The following DCHS2 variants were observed in gnomAD, a reference collection of about 807,000 sequenced individuals.
The protein encoded by DCHS2 is dachsous cadherin-related 2, also known as protocadherin-23.
A neutral mutation model predicts 182.4 loss-of-function variants in DCHS2; 142 were observed. The observed-to-expected ratio is 0.78, with a 90% CI of 0.68 to 0.89. The LOEUF (loss-of-function observed/expected upper bound fraction) is 0.89, where lower values mean the gene tolerates loss of function less well. Among genes scored for constraint, DCHS2 ranks in the 40% least tolerant of loss-of-function variants. DCHS2 has a pLI of 0.00. For synonymous variants in DCHS2, 1,740 were observed against 1,663.3 expected (o/e 1.05, Z -1.12); for missense variants, 4,319 against 4,198.6 (o/e 1.03, Z -0.79).
Position 154,333,427 on chromosome 4 carries a change from C to A in DCHS2, c.2781G>T (p.Pro927=), listed in dbSNP as rs1300706619. 3.1e-6 allele frequency: 5 copies of A among 1,613,742 alleles called. No homozygotes were observed. The highest frequency in any genetic ancestry group is 4.2e-6 in the Non-Finnish European group (5 of 1,180,008). The change falls in exon 5 of 20, where the codon CCG becomes CCT. Residue 927 remains proline, a synonymous_variant. Transcript: ENST00000357232. ...TCCGGGTGCGAATAGTGCCCAGCCG[C>A]GGGTGAATGGAGAACTTTCCGCCGA... is the stretch of plus-strand genomic sequence containing the variant. ...GDLGGKFSIH[P]RLGTIRTRKP...
intron 3 of DCHS2, among the ~76,000 whole-genome samples, chr4:154,347,996 G>A (rs568400304): frequency 1.3e-5 from 2 of 152,078 alleles, no homozygotes; most frequent in South Asian, 4.2e-4. Context: ...TAGTTTGCAT[G>A]GGGTTTACAA....
intron 1 of DCHS2, among the ~76,000 whole-genome samples, chr4:154,380,882 G>T (rs1731137167): frequency 6.6e-6 from 1 of 152,004 alleles, no homozygotes; most frequent in South Asian, 2.1e-4. Flanking sequence ...ATCTTTCTAA[G>T]ATTTATATTT....
intron 10 of DCHS2, among the ~76,000 whole-genome samples, chr4:154,315,059 C>T (rs1279703634): frequency 1.3e-5 from 2 of 152,152 alleles, no homozygotes; most frequent in Non-Finnish European, 2.9e-5. Flanking sequence ...TTATAAATTC[C>T]TAGCCATAGT....
Position 154,322,360 on chromosome 4 carries a change from G to A in DCHS2, c.4147C>T (p.Leu1383Phe). 2 of 1,613,714 alleles carry A rather than the reference G, an allele frequency of 1.2e-6. No individual in the cohort carries two copies. ...VIATDQGVPP[L>F]QGQAVVNIQV... ...ATATTAACAACTGCCTGTCCTTGAAGAGGAGGCACTCCCTGGTCAGTGGCA... is the reference window on the plus strand; with the variant it reads ...ATATTAACAACTGCCTGTCCTTGAAAAGGAGGCACTCCCTGGTCAGTGGCA... Residue 1383 changes from leucine to phenylalanine, a missense_variant, in exon 8 of 20, where the codon CTT becomes TTT. Leu to Phe is a conservative substitution (Grantham distance 22, BLOSUM62 0). Transcript: ENST00000357232.
chr4:154,468,891 G>C (rs892725477), intron 1 of DCHS2, among the ~76,000 whole-genome samples: 5 of 152,120 alleles, frequency 3.3e-5, no homozygotes, highest in African/African-American at 1.2e-4. Flanking sequence ...AAGGCACTTA[G>C]AGACTGGTGG....
At chr4:154,344,768 T>C (rs1729280032) in intron 3 of DCHS2, among the ~76,000 whole-genome samples, 1 of 152,262 alleles carries the variant, frequency 6.6e-6, no homozygotes, top group African/African-American at 2.4e-5. Flanking sequence ...TTCCGAGGCA[T>C]CCCTGTGCAG....
intron 1 of DCHS2, among the ~76,000 whole-genome samples, chr4:154,409,697 C>T (rs1056909981): frequency 6.6e-6 from 1 of 152,168 alleles, no homozygotes; most frequent in Non-Finnish European, 1.5e-5. Flanking sequence ...GCATTTGTGT[C>T]CTGGAACCCA....
At chr4:154,457,379 A>G (rs1267666334) in intron 1 of DCHS2, among the ~76,000 whole-genome samples, 1 of 152,138 alleles carries the variant, frequency 6.6e-6, no homozygotes, top group Admixed American at 6.5e-5. Context: ...ACCTTCTTTT[A>G]TCCTATTAAC....
At chr4:154,399,251 AC>A (rs1436486270) in intron 1 of DCHS2, among the ~76,000 whole-genome samples, 1 of 152,130 alleles carries the variant, frequency 6.6e-6, no homozygotes, top group Admixed American at 6.5e-5. Context: ...ACTTTTACCT[AC>A]CCACCCTCTC....
chr4:154,357,819 GA>G (rs1323805446), intron 3 of DCHS2, among the ~76,000 whole-genome samples: 1 of 152,090 alleles, frequency 6.6e-6, no homozygotes. Context: ...TCCATATTCA[GA>G]AGAAAAACTT....
At chr4:154,308,078 T>C (rs192534458) in intron 10 of DCHS2, among the ~76,000 whole-genome samples, 8 of 152,234 alleles carry the variant, frequency 5.3e-5, no homozygotes, top group Admixed American at 5.2e-4. Context: ...CTCCTCCTCT[T>C]TGTGGCCAAA....
At chr4:154,442,954 C>T (rs557288723) in intron 1 of DCHS2, among the ~76,000 whole-genome samples, 2 of 152,184 alleles carry the variant, frequency 1.3e-5, no homozygotes, top group South Asian at 2.1e-4. Flanking sequence ...CTGCTCATGC[C>T]CTGTCATCAT....
chr4:154,422,503 C>G (rs1017690090), intron 1 of DCHS2, among the ~76,000 whole-genome samples: 14 of 152,148 alleles, frequency 9.2e-5, no homozygotes, highest in Admixed American at 7.9e-4. Flanking sequence ...CTATCAGAAC[C>G]CTGGGCTATT....
intron 3 of DCHS2, among the ~76,000 whole-genome samples, chr4:154,365,734 C>T (rs532607589): frequency 1.5e-3 from 227 of 152,056 alleles, no homozygotes; most frequent in African/African-American, 5.0e-3. Flanking sequence ...ACTGCAACCT[C>T]GGTTTCCCAG....
In DCHS2 at chr4:154,235,685, C is replaced by T. The variant is rs144401140; in HGVS notation, c.8967G>A (p.Val2989=). ...GGCTGATTGAAAAGCTGCTGGCGAACACTGCCAAGGGTGTTCCTTCAGAGG... is the reference window on the plus strand; with the variant it reads ...GGCTGATTGAAAAGCTGCTGGCGAATACTGCCAAGGGTGTTCCTTCAGAGG... The part of the protein sequence containing the change: ...SFSSEGTPLA[V]FASSFSISLV... Residue 2989 remains valine (V), a synonymous_variant, in exon 20 of 20, where the codon GTG becomes GTA. Transcript: ENST00000357232. 1.2e-6 allele frequency: 2 copies of T among 1,613,848 alleles called. No homozygotes were observed. Among genetic ancestry groups the T allele is most frequent in the African/African-American group, 2.7e-5 (2 of 74,904 alleles).
Position 154,490,414 on chromosome 4 carries a change from C to A in DCHS2, c.942G>T (p.Glu314Asp). The A allele has an allele frequency of 6.5e-7, 1 of 1,533,732 alleles. No individual in the cohort carries two copies. Among genetic ancestry groups the A allele is most frequent in the South Asian group, 1.2e-5 (1 of 83,790 alleles). The change falls in exon 1 of 20, where the codon GAG becomes GAT. Residue 314 changes from glutamate to aspartate, a missense_variant. Coordinates refer to ENST00000357232, the MANE Select transcript of DCHS2 (RefSeq NM_001358235.2). ...GGTCGGTGGCGCGCACGCGACAGAC[C>A]TCGGCGCCCGGCTGGGCGTCCTCGC... is the stretch of plus-strand genomic sequence containing the variant. Reference protein sequence around the residue: ...AVREDAQPGAEVCRVRATDRD... With the variant: ...AVREDAQPGADVCRVRATDRD...
intron 1 of DCHS2, among the ~76,000 whole-genome samples, chr4:154,395,456 G>A (rs1579043848): frequency 6.6e-6 from 1 of 152,072 alleles, no homozygotes; most frequent in South Asian, 2.1e-4. Flanking sequence ...TCCTTATACA[G>A]GTCTTCCCAC....
At chr4:154,323,499 G>A (rs986126631) in intron 7 of DCHS2, among the ~76,000 whole-genome samples, 1 of 152,060 alleles carries the variant, frequency 6.6e-6, no homozygotes, top group African/African-American at 2.4e-5. Flanking sequence ...AGTTATTTTT[G>A]ATGTTGGCCC....
intron 3 of DCHS2, among the ~76,000 whole-genome samples, chr4:154,359,874 G>A (rs1239165404): frequency 2.0e-5 from 3 of 151,964 alleles, no homozygotes; most frequent in Non-Finnish European, 4.4e-5. Flanking sequence ...ATAATTTGGT[G>A]TTTAGGTAGT....
Sources: gnomAD v4.1 joint callset for allele counts (sites outside exome capture counted in the v4.1 genomes callset) on GRCh38, gnomAD v4.1.1 for gene constraint, MANE v1.5 for transcripts, NCBI Gene and HGNC (gene_info 2026-07-23, HGNC 2026-07-21) for gene names.